SPATA6: variants seen among roughly 807,000 people sequenced by gnomAD.
SPATA6 encodes spermatogenesis associated 6.
Under a neutral mutation model 65.3 loss-of-function variants are expected in SPATA6, and 56 were observed. The ratio of observed to expected loss-of-function variants is 0.86; its 90% CI spans 0.69 to 1.07. The LOEUF (loss-of-function observed/expected upper bound fraction) is 1.07, where lower values mean the gene tolerates loss of function less well. Ranked by LOEUF, SPATA6 falls within the 50% of genes least tolerant of loss-of-function variation. The probability of loss-of-function intolerance (pLI) is 0.00; values close to 1 mark genes in which losing one functional copy is unlikely to be tolerated. For missense variants in SPATA6, 590 were observed against 594.8 expected (o/e 0.99, Z 0.08); for synonymous variants, 199 against 213.2 (o/e 0.93, Z 0.58).
chr1:48,335,591 T>C (rs1449918158), intron 11 of SPATA6, among the ~76,000 whole-genome samples: 1 of 151,934 alleles, frequency 6.6e-6, no homozygotes, highest in Non-Finnish European at 1.5e-5. Flanking sequence ...AGCTGAAGAT[T>C]GAAACTGGAC....
At chr1:48,428,871 G>A (rs199755268) in intron 3 of SPATA6, among the ~76,000 whole-genome samples, 1 of 41,804 alleles carries the variant, frequency 2.4e-5, no homozygotes, top group Non-Finnish European at 6.6e-5. Flanking sequence ...ATATATACAC[G>A]TGTGTGTGTG....
At chr1:48,276,644 G>C in the SPATA6 span, among the ~76,000 whole-genome samples, 1 of 152,256 alleles carries the variant, frequency 6.6e-6, no homozygotes, top group South Asian at 2.1e-4. Context: ...TGTGCATTTT[G>C]AGTGAGTTTC....
At chr1:48,364,672 G>C (rs1027908924) in intron 9 of SPATA6, among the ~76,000 whole-genome samples, 2 of 152,056 alleles carry the variant, frequency 1.3e-5, no homozygotes, top group African/African-American at 2.4e-5. Context: ...AAATTTGTTT[G>C]AGTTCATTGT....
chr1:48,407,415 C>A (rs1651807932), intron 5 of SPATA6, among the ~76,000 whole-genome samples: 1 of 152,164 alleles, frequency 6.6e-6, no homozygotes, highest in Admixed American at 6.5e-5. Flanking sequence ...TAGAGCTCTG[C>A]CTAGCAAAGC....
At chr1:48,434,087 A>C (rs1471496009) in intron 3 of SPATA6, among the ~76,000 whole-genome samples, 2 of 152,166 alleles carry the variant, frequency 1.3e-5, no homozygotes, top group Admixed American at 6.5e-5. Flanking sequence ...TTTCCTAATC[A>C]CAAGATTGTA....
intron 11 of SPATA6, among the ~76,000 whole-genome samples, chr1:48,328,103 T>A (rs527569135): frequency 1.3e-5 from 2 of 152,088 alleles, no homozygotes; most frequent in South Asian, 4.1e-4. Flanking sequence ...ATGCTCAAGA[T>A]CATTAGTCAG....
chr1:48,339,806 C>T (rs1328626971), intron 11 of SPATA6, among the ~76,000 whole-genome samples: 11 of 151,784 alleles, frequency 7.2e-5, no homozygotes. Flanking sequence ...GGTAATTGAA[C>T]ACCCGAAGAG....
intron 11 of SPATA6, among the ~76,000 whole-genome samples, chr1:48,354,865 T>C (rs1557602174): frequency 6.6e-6 from 1 of 152,152 alleles, no homozygotes; most frequent in African/African-American, 2.4e-5. Flanking sequence ...GTTAATTTTA[T>C]AATTTCTCAA....
intron 11 of SPATA6, among the ~76,000 whole-genome samples, chr1:48,321,397 T>C (rs546084028): frequency 3.3e-5 from 5 of 152,148 alleles, no homozygotes; most frequent in African/African-American, 1.2e-4. Context: ...TCAGATGAAA[T>C]AGATTTCAAG....
intron 5 of SPATA6, among the ~76,000 whole-genome samples, chr1:48,409,849 A>G (rs1223994812): frequency 6.6e-6 from 1 of 152,210 alleles, no homozygotes; most frequent in African/African-American, 2.4e-5. Context: ...CACACAGCAC[A>G]GGGACCCTGG....
intron 9 of SPATA6, among the ~76,000 whole-genome samples, chr1:48,368,307 C>T (rs541745268): frequency 1.3e-5 from 2 of 152,020 alleles, no homozygotes; most frequent in East Asian, 1.9e-4. Flanking sequence ...ATCTTTGTGG[C>T]GTTCTCTGTA....
chr1:48,437,086 G>C, intron 3 of SPATA6: 1 of 1,598,704 alleles, frequency 6.3e-7, no homozygotes, highest in South Asian at 1.1e-5. Context: ...ACAGATGAAA[G>C]AAGAAAGCCA....
intron 9 of SPATA6, among the ~76,000 whole-genome samples, chr1:48,366,318 T>G (rs1023564702): frequency 6.6e-6 from 1 of 152,196 alleles, no homozygotes; most frequent in Non-Finnish European, 1.5e-5. Flanking sequence ...TAAAATGAGT[T>G]AGGGAGGATT....
chr1:48,263,535 T>C, the SPATA6 span, among the ~76,000 whole-genome samples: 1,491 of 152,282 alleles, frequency 9.8e-3, 30 homozygotes, highest in African/African-American at 0.034. Context: ...CTTGTTTCCA[T>C]ACCTTTATGC....
chr1:48,375,460 T>C (rs1183966816), intron 9 of SPATA6, among the ~76,000 whole-genome samples: 1 of 152,174 alleles, frequency 6.6e-6, no homozygotes. Context: ...AACATCCTTA[T>C]AATAAAATCT....
At chr1:48,385,477 G>T in intron 8 of SPATA6, 128 bp from the exon 9 acceptor site, 1 of 676,216 alleles carries the variant, frequency 1.5e-6, no homozygotes, top group South Asian at 3.1e-5. Context: ...TCCTTCAACA[G>T]TGTTACATCA....
chr1:48,463,826 C>G (rs573043307), intron 1 of SPATA6, among the ~76,000 whole-genome samples: 33 of 151,806 alleles, frequency 2.2e-4, no homozygotes, highest in Admixed American at 2.0e-3. Context: ...TCTACAAATA[C>G]AAATAAAAGA....
intron 8 of SPATA6, among the ~76,000 whole-genome samples, chr1:48,389,256 T>C (rs1649808578): frequency 6.6e-6 from 1 of 151,894 alleles, no homozygotes; most frequent in African/African-American, 2.4e-5. Flanking sequence ...AAATAAGAAA[T>C]AAAAAATGAA....
rs1644832379 is a variant in SPATA6 at position 48,297,268 on chromosome 1, A to G, written c.*1445T>C. The G allele has an allele frequency of 6.6e-6, 1 of 152,056 alleles. No homozygotes were observed. The highest frequency in any genetic ancestry group is 1.9e-4 in the East Asian group (1 of 5,178). 9.4% of individuals were successfully genotyped at this position (152,056 alleles called of 1,614,324 possible). The stretch of plus-strand genomic sequence containing the variant: ...AAACAGTGATCTTGGTCCACAGAAC[A>G]TAGTTTGGGGTCTACTACATTCTTA... On this transcript the variant is annotated 3_prime_UTR_variant, in exon 13 of 13. Coordinates refer to ENST00000371847, the MANE Select transcript of SPATA6 (RefSeq NM_019073.4).
Sources: allele counts gnomAD v4.1 joint callset (sites outside exome capture counted in the v4.1 genomes callset), GRCh38; gene constraint gnomAD v4.1.1; transcripts MANE v1.5; gene names NCBI Gene and HGNC (gene_info 2026-07-23, HGNC 2026-07-21).